Variants in MEGF10 observed in about 807,000 individuals in gnomAD.
MEGF10 encodes multiple epidermal growth factor-like domains protein 10.
In MEGF10, 86 loss-of-function variants were observed where a neutral mutation model predicts 147.5. That is an observed-to-expected ratio of 0.58 (90% CI 0.49 to 0.70). MEGF10 has a LOEUF of 0.70. MEGF10 is among the 30% of genes least tolerant of loss of function. The pLI is 0.00. For synonymous variants in MEGF10, 478 were observed against 525.5 expected (o/e 0.91, Z 1.24); for missense variants, 1,329 against 1,487.3 (o/e 0.89, Z 1.75).
chr5:127,240,450 T>C, the MEGF10 span, among the ~76,000 whole-genome samples: 1 of 152,220 alleles, frequency 6.6e-6, no homozygotes, highest in African/African-American at 2.4e-5. Flanking sequence ...CGACACATAA[T>C]TTCATACATT....
intron 1 of MEGF10, among the ~76,000 whole-genome samples, chr5:127,308,374 G>A (rs1760108457): frequency 6.6e-6 from 1 of 152,130 alleles, no homozygotes. Context: ...GATATTCCAA[G>A]TTCAACAAAC....
At chr5:127,427,717 T>C (rs545386704) in intron 13 of MEGF10, among the ~76,000 whole-genome samples, 17 of 152,202 alleles carry the variant, frequency 1.1e-4, no homozygotes, top group South Asian at 2.1e-4. Flanking sequence ...TGTCGTGAGG[T>C]GATGTCTCAT....
chr5:127,390,207 T>C (rs1363498262), intron 5 of MEGF10, among the ~76,000 whole-genome samples: 2 of 152,210 alleles, frequency 1.3e-5, no homozygotes, highest in Non-Finnish European at 2.9e-5. Context: ...GTTTCAACCA[T>C]ATGCAGTTGC....
intron 1 of MEGF10, among the ~76,000 whole-genome samples, chr5:127,295,888 T>C (rs1468392276): frequency 6.6e-6 from 1 of 152,234 alleles, no homozygotes. Flanking sequence ...CTTTTAAAAT[T>C]ATGTTTCTGA....
At chr5:127,322,631 C>T (rs774552294) in intron 1 of MEGF10, among the ~76,000 whole-genome samples, 9 of 152,154 alleles carry the variant, frequency 5.9e-5, no homozygotes, top group Non-Finnish European at 1.3e-4. Flanking sequence ...TGGCCTTCAC[C>T]AGTGTTTGCT....
the MEGF10 span, among the ~76,000 whole-genome samples, chr5:127,255,702 G>A: frequency 0.57 from 86,215 of 152,022 alleles, 25,156 homozygotes; most frequent in Middle Eastern, 0.71. Context: ...AGGAAAATCT[G>A]AGAACTCCAG....
chr5:127,382,793 G>C (rs974826025), intron 5 of MEGF10, among the ~76,000 whole-genome samples: 15 of 152,220 alleles, frequency 9.9e-5, no homozygotes, highest in African/African-American at 3.6e-4. Flanking sequence ...CAAAGGGTAG[G>C]ATAAGGTAAT....
At chr5:127,300,662 T>C (rs907473267) in intron 1 of MEGF10, among the ~76,000 whole-genome samples, 2 of 152,216 alleles carry the variant, frequency 1.3e-5, no homozygotes, top group Non-Finnish European at 2.9e-5. Context: ...ATGTTTAATG[T>C]AGAATTAAGG....
chr5:127,327,074 C>T (rs960220285), intron 1 of MEGF10, among the ~76,000 whole-genome samples: 1 of 152,162 alleles, frequency 6.6e-6, no homozygotes, highest in African/African-American at 2.4e-5. Flanking sequence ...TTTACTGAGG[C>T]TTTTGTGGTA....
intron 2 of MEGF10, among the ~76,000 whole-genome samples, chr5:127,337,988 C>T (rs1217628199): frequency 1.3e-5 from 2 of 152,096 alleles, no homozygotes; most frequent in East Asian, 1.9e-4. Context: ...AGTACGATTA[C>T]TTCATGGCTG....
chr5:127,336,119 C>A (rs1761460304), intron 2 of MEGF10, among the ~76,000 whole-genome samples: 1 of 150,056 alleles, frequency 6.7e-6, no homozygotes, highest in South Asian at 2.1e-4. Context: ...ATTAGTTGAA[C>A]TGTAGTTTAA....
intron 5 of MEGF10, among the ~76,000 whole-genome samples, chr5:127,382,478 T>C (rs1181995591): frequency 1.3e-5 from 2 of 152,186 alleles, no homozygotes; most frequent in Non-Finnish European, 2.9e-5. Flanking sequence ...TAGTATATAA[T>C]TGGAAATTTT....
chr5:127,229,476 C>T, the MEGF10 span: 1 of 152,020 alleles, frequency 6.6e-6, no homozygotes, highest in Non-Finnish European at 1.5e-5. Context: ...CCGGGCAGGC[C>T]TGGCGGAGGG....
intron 23 of MEGF10, 42 bp downstream of exon 23, chr5:127,454,652 AT>A (rs1199604245): frequency 6.0e-5 from 93 of 1,554,170 alleles, no homozygotes; most frequent in Admixed American, 1.6e-4. Context: ...GCACAATTAA[AT>A]TTTTTTTAAC....
chr5:127,338,760 A>C (rs1298230126), intron 2 of MEGF10, among the ~76,000 whole-genome samples: 1 of 152,008 alleles, frequency 6.6e-6, no homozygotes, highest in Admixed American at 6.6e-5. Context: ...TAGAATGAAA[A>C]CCTTCTGTGA....
chr5:127,339,015 G>A, intron 2 of MEGF10, 105 bp from the exon 3 acceptor site: 2 of 543,254 alleles, frequency 3.7e-6, no homozygotes, highest in East Asian at 6.6e-5. Flanking sequence ...AGTCACTATG[G>A]AGTTGCAAAT....
the MEGF10 span, among the ~76,000 whole-genome samples, chr5:127,239,451 T>TA: frequency 7.1e-6 from 1 of 140,828 alleles, no homozygotes; most frequent in South Asian, 2.2e-4. Flanking sequence ...TATATATATA[T>TA]TATATATAAA....
At chr5:127,249,782 G>A in the MEGF10 span, among the ~76,000 whole-genome samples, 8 of 152,020 alleles carry the variant, frequency 5.3e-5, no homozygotes, top group Non-Finnish European at 1.2e-4. Flanking sequence ...ATTTATTGCC[G>A]TTTTGGAGGC....
chr5:127,447,775 G>A (rs1766005537), intron 21 of MEGF10, 91 bp downstream of exon 21: 3 of 1,488,450 alleles, frequency 2.0e-6, no homozygotes, highest in African/African-American at 1.4e-5. Context: ...ACCAGAGGCT[G>A]TTCTAGGTAC....
Sources: gnomAD v4.1 joint callset for allele counts (sites outside exome capture counted in the v4.1 genomes callset) on GRCh38, gnomAD v4.1.1 for gene constraint, MANE v1.5 for transcripts, NCBI Gene and HGNC (gene_info 2026-07-23, HGNC 2026-07-21) for gene names.